Variants in GREB1L observed in about 807,000 individuals in gnomAD.
The protein encoded by GREB1L is GREB1 like retinoic acid receptor coactivator.
Under a neutral mutation model 200.8 loss-of-function variants are expected in GREB1L, and 17 were observed. The ratio of observed to expected loss-of-function variants is 0.08; its 90% CI spans 0.06 to 0.13. The LOEUF is 0.13. Ranked by LOEUF, GREB1L falls within the 10% of genes least tolerant of loss-of-function variation. GREB1L has a pLI of 1.00. For synonymous variants in GREB1L, 789 were observed against 893.0 expected (o/e 0.88, Z 2.08); for missense variants, 1,657 against 2,367.7 (o/e 0.70, Z 6.23).
chr18:21,290,501 T>C (rs1403403408), intron 1 of GREB1L, among the ~76,000 whole-genome samples: 3 of 152,028 alleles, frequency 2.0e-5, no homozygotes, highest in South Asian at 4.1e-4. Flanking sequence ...ATGATTTGGG[T>C]TTTTCCCCCC....
chr18:21,432,705 C>CTTTTTTT (rs11380208), intron 7 of GREB1L, among the ~76,000 whole-genome samples: 9 of 94,366 alleles, frequency 9.5e-5, no homozygotes, highest in Admixed American at 1.4e-4. Flanking sequence ...TCTTTTTTTT[C>CTTTTTTT]TTTTTTTTTT....
At chr18:21,496,363 T>G in intron 20 of GREB1L, 91 bp from the exon 21 acceptor site, 1 of 1,373,274 alleles carries the variant, frequency 7.3e-7, no homozygotes. Flanking sequence ...TGATTTTAAC[T>G]GCTGTGTGTT....
At chr18:21,306,475 A>G (rs2038701951) in intron 1 of GREB1L, among the ~76,000 whole-genome samples, 1 of 152,204 alleles carries the variant, frequency 6.6e-6, no homozygotes, top group African/African-American at 2.4e-5. Flanking sequence ...GTCATCATTT[A>G]TCAGTTCTGC....
intron 21 of GREB1L, 128 bp downstream of exon 21, chr18:21,496,826 T>G: frequency 1.0e-6 from 1 of 990,426 alleles, no homozygotes; most frequent in Admixed American, 2.8e-5. Flanking sequence ...ACTGGCATCC[T>G]CTCCAGACCC....
chr18:21,517,138 T>A (rs1230277777), intron 30 of GREB1L, among the ~76,000 whole-genome samples: 1 of 152,152 alleles, frequency 6.6e-6, no homozygotes, highest in African/African-American at 2.4e-5. Context: ...CCTCCCAAAG[T>A]GCTGGGATTA....
intron 17 of GREB1L, among the ~76,000 whole-genome samples, chr18:21,481,475 GTGTATA>G (rs750116604): frequency 1.5e-3 from 209 of 141,278 alleles, no homozygotes; most frequent in African/African-American, 3.0e-3. Context: ...GTGTGTGTGT[GTGTATA>G]TATATATATA....
At chr18:21,448,027 T>G (rs1159660917) in intron 11 of GREB1L, among the ~76,000 whole-genome samples, 3 of 151,882 alleles carry the variant, frequency 2.0e-5, no homozygotes, top group African/African-American at 7.3e-5. Flanking sequence ...GCCAGGCATG[T>G]TGGGCATGCC....
chr18:21,245,399 T>G lies in GREB1L; in HGVS notation c.-120+3006T>G, dbSNP rs62089231. The stretch of plus-strand genomic sequence containing the variant: ...TAAGGGTACTTAGAGTAATATTGAT[T>G]GATTAATGAAGCTGACAGAAACAAA... On this transcript the variant is annotated intron_variant, in intron 1 of 32. Transcript: ENST00000424526. Among the ~76,000 whole-genome samples, 1,502 of 152,324 alleles carry G rather than the reference T, an allele frequency of 9.9e-3. 15 individuals are homozygous for G. Among genetic ancestry groups the G allele is most frequent in the Admixed American group, 0.023 (352 of 15,304 alleles).
chr18:21,482,599 T>G (rs2035962659), intron 17 of GREB1L, among the ~76,000 whole-genome samples: 1 of 151,206 alleles, frequency 6.6e-6, no homozygotes, highest in Non-Finnish European at 1.5e-5. Flanking sequence ...GAGACTGACT[T>G]TGAGTTAAGA....
chr18:21,335,765 G>T (rs1215900315), intron 1 of GREB1L, among the ~76,000 whole-genome samples: 4 of 150,968 alleles, frequency 2.6e-5, no homozygotes, highest in African/African-American at 9.8e-5. Context: ...CCGGGTTCAT[G>T]CCATTCTCCT....
intron 11 of GREB1L, among the ~76,000 whole-genome samples, chr18:21,446,982 T>A (rs2034258818): frequency 6.6e-6 from 1 of 152,240 alleles, no homozygotes; most frequent in Non-Finnish European, 1.5e-5. Flanking sequence ...TGACTTTTCC[T>A]ATTAAGGTAG....
At chr18:21,376,373 C>T (rs1196467798) in intron 2 of GREB1L, among the ~76,000 whole-genome samples, 2 of 150,570 alleles carry the variant, frequency 1.3e-5, no homozygotes, top group Non-Finnish European at 3.0e-5. Flanking sequence ...CCCACCACCT[C>T]AGCTTCCCAA....
chr18:21,258,453 T>C (rs2037836018), intron 1 of GREB1L, among the ~76,000 whole-genome samples: 1 of 152,194 alleles, frequency 6.6e-6, no homozygotes, highest in Admixed American at 6.5e-5. Context: ...CTGTAGGAAC[T>C]GTTAGCTTTC....
At chr18:21,440,642 C>G (rs780125602) in intron 9 of GREB1L, among the ~76,000 whole-genome samples, 2 of 152,166 alleles carry the variant, frequency 1.3e-5, no homozygotes, top group South Asian at 2.1e-4. Flanking sequence ...TGCTACCAAC[C>G]CACCATCATA....
In GREB1L at chr18:21,451,014, A is replaced by G. The variant is rs539261738; in HGVS notation, c.1721-9A>G. The G allele has an allele frequency of 1.3e-6, 2 of 1,551,592 alleles. No homozygotes were observed. Among genetic ancestry groups the G allele is most frequent in the African/African-American group, 1.4e-5 (1 of 73,092 alleles). ...TGATGAGTCTTCTCTTCTCTCCTCC[A>G]TCCTGCAGGTCAGCACCAGTCCCGA... On this transcript the variant is annotated splice_polypyrimidine_tract_variant and intron_variant, in intron 12 of 32. Transcript: ENST00000424526.
chr18:21,359,068 C>T (rs1383221655), intron 1 of GREB1L, among the ~76,000 whole-genome samples: 2 of 152,144 alleles, frequency 1.3e-5, no homozygotes, highest in East Asian at 3.8e-4. Context: ...AAGGAAATGG[C>T]GGCCCAGGGA....
chr18:21,434,537 A>G (rs986688518), intron 7 of GREB1L, among the ~76,000 whole-genome samples: 13 of 145,472 alleles, frequency 8.9e-5, no homozygotes, highest in African/African-American at 3.3e-4. Flanking sequence ...GTGTGTATAT[A>G]TATGTGTATA....
Position 21,384,381 on chromosome 18 carries a change from A to G in GREB1L, c.333A>G (p.Pro111=), listed in dbSNP as rs1397181803. ...TTCCCTATTCACAAAAACCTGCCCC[A>G]GAAGGATCTTGCACTACAGATGGTG... ...PPIPYSQKPA[P]EGSCTTDGFC... The change falls in exon 4 of 33, where the codon CCA becomes CCG. Residue 111 remains proline, a synonymous_variant. Transcript: ENST00000424526. 1.9e-6 allele frequency: 3 copies of G among 1,551,530 alleles called. No individual in the cohort carries two copies. Among genetic ancestry groups the G allele is most frequent in the East Asian group, 4.9e-5 (2 of 40,900 alleles).
chr18:21,503,570 C>T (rs949141584), intron 23 of GREB1L, among the ~76,000 whole-genome samples: 9 of 139,202 alleles, frequency 6.5e-5, no homozygotes, highest in Non-Finnish European at 1.1e-4. Flanking sequence ...ACTTTATTAT[C>T]ATTATTATTA....
Sources: gnomAD v4.1 joint callset for allele counts (sites outside exome capture counted in the v4.1 genomes callset) on GRCh38, gnomAD v4.1.1 for gene constraint, MANE v1.5 for transcripts, NCBI Gene and HGNC (gene_info 2026-07-23, HGNC 2026-07-21) for gene names.